The following GNG2 variants were observed in gnomAD, a reference collection of about 807,000 sequenced individuals.
GNG2 encodes G protein subunit gamma 2.
Under a neutral mutation model 5.5 loss-of-function variants are expected in GNG2, and 5 were observed. The observed-to-expected ratio is 0.91, with a 90% CI of 0.48 to 1.92. The LOEUF (loss-of-function observed/expected upper bound fraction) is 1.92. GNG2 is among the 30% of genes most tolerant of loss of function. The pLI, the probability that GNG2 is intolerant of heterozygous loss-of-function variation, is 0.01. For synonymous variants in GNG2, 28 were observed against 32.0 expected (o/e 0.88, Z 0.42); for missense variants, 55 against 88.4 (o/e 0.62, Z 1.52).
At chr14:51,856,009 C>A (rs1171905339), upstream of GNG2, among the ~76,000 whole-genome samples, 5 of 152,038 alleles carry the variant, frequency 3.3e-5, no homozygotes, top group Admixed American at 3.3e-4. Flanking sequence ...GCCATCTGTA[C>A]AAAAAATACA....
chr14:51,926,780 C>G (rs534370154), intron 2 of GNG2, among the ~76,000 whole-genome samples: 1 of 151,862 alleles, frequency 6.6e-6, no homozygotes, highest in Non-Finnish European at 1.5e-5. Flanking sequence ...TTTTTTCTTT[C>G]CACCCAACAC....
At chr14:51,875,298 T>C (rs140537769) in intron 1 of GNG2, among the ~76,000 whole-genome samples, 146 of 152,312 alleles carry the variant, frequency 9.6e-4, no homozygotes, top group African/African-American at 3.4e-3. Flanking sequence ...ACCGGCAGGA[T>C]GGAAGAAGTT....
intron 3 of GNG2, among the ~76,000 whole-genome samples, chr14:51,964,638 C>A (rs1889793678): frequency 6.6e-6 from 1 of 152,040 alleles, no homozygotes; most frequent in Non-Finnish European, 1.5e-5. Flanking sequence ...ACAGAGACCC[C>A]AAAAATTCAA....
intron 2 of GNG2, among the ~76,000 whole-genome samples, chr14:51,884,538 A>G (rs1884312987): frequency 6.6e-6 from 1 of 152,192 alleles, no homozygotes; most frequent in South Asian, 2.1e-4. Flanking sequence ...GTCTTTTCCA[A>G]TTAGTCTTGA....
At chr14:51,872,827 GA>G (rs1214550536) in intron 1 of GNG2, among the ~76,000 whole-genome samples, 1 of 152,198 alleles carries the variant, frequency 6.6e-6, no homozygotes. Context: ...TTTAAAAATA[GA>G]TGCTGTTGTT....
Position 51,827,908 on chromosome 14 carries a change from G to A in GNG2, c.64+101G>A, listed in dbSNP as rs899664210. On this transcript the variant is annotated intron_variant, in intron 2 of 3. Transcript: ENST00000553432. ...GTGGAAAGAGTAAAGAGCTTGGAGA[G>A]AGAGTCTGAGAGTGGGAGGACTCAG... is the stretch of plus-strand genomic sequence containing the variant. 6.6e-6 allele frequency: 4 copies of A among 602,314 alleles called. No homozygotes were observed. In the East Asian group the frequency reaches 1.1e-4, roughly 17 times the overall value. The allele number at this position is 602,314 out of a possible 1,614,324, so 37.3% of individuals were successfully genotyped here. A position where few individuals can be genotyped will look rare whatever the true frequency, so the allele number is the denominator to read the frequency against.
At chr14:51,907,172 C>T (rs567443876) in intron 2 of GNG2, among the ~76,000 whole-genome samples, 37 of 152,246 alleles carry the variant, frequency 2.4e-4, no homozygotes, top group African/African-American at 7.9e-4. Context: ...CTCCTTGGAC[C>T]GAGCTAGCAA....
upstream of GNG2, among the ~76,000 whole-genome samples, chr14:51,857,014 C>G (rs958375676): frequency 6.6e-6 from 1 of 152,170 alleles, no homozygotes; most frequent in East Asian, 1.9e-4. Flanking sequence ...GCCAATGATG[C>G]CTTTTCATTA....
chr14:51,865,028 A>G (rs1882780434), intron 1 of GNG2, among the ~76,000 whole-genome samples: 2 of 152,166 alleles, frequency 1.3e-5, no homozygotes, highest in South Asian at 4.1e-4. Context: ...TGGGCAGAAC[A>G]ATTAGCAGGG....
chr14:51,914,894 G>A (rs1161538977), intron 2 of GNG2, among the ~76,000 whole-genome samples: 3 of 152,164 alleles, frequency 2.0e-5, no homozygotes, highest in Admixed American at 2.0e-4. Context: ...CAATTGGGGG[G>A]AAATGGACAA....
intron 2 of GNG2, among the ~76,000 whole-genome samples, chr14:51,929,602 G>T (rs896022485): frequency 6.6e-6 from 1 of 152,212 alleles, no homozygotes; most frequent in Admixed American, 6.5e-5. Flanking sequence ...GGTGGGTGGG[G>T]TTAATGAATA....
rs556793799 is a variant in GNG2 at position 51,969,208 on chromosome 14, G to A, written c.*2521G>A. The A allele has an allele frequency of 2.0e-5, 3 of 152,140 alleles. No individual in the cohort carries two copies. Among genetic ancestry groups the A allele is most frequent in the South Asian group, 2.1e-4 (1 of 4,810 alleles). 9.4% of individuals were successfully genotyped at this position (152,140 alleles called of 1,614,324 possible). On this transcript the variant is annotated 3_prime_UTR_variant, in exon 4 of 4. Coordinates refer to ENST00000556766, the MANE Select transcript of GNG2 (RefSeq NM_053064.5). ...CCTAGTTTCTACATATAATATATTC[G>A]ATAGAAATGAAAATCTGCCGTGGAA...
chr14:51,832,398 T>C (rs749097223), intron 2 of GNG2, among the ~76,000 whole-genome samples: 2 of 152,202 alleles, frequency 1.3e-5, no homozygotes, highest in Non-Finnish European at 2.9e-5. Flanking sequence ...GAAATATGAT[T>C]GCTAATTAGA....
At chr14:51,849,072 C>G (rs1366823346) in intron 2 of GNG2, among the ~76,000 whole-genome samples, 1 of 152,178 alleles carries the variant, frequency 6.6e-6, no homozygotes, top group African/African-American at 2.4e-5. Context: ...CTTATCTTAA[C>G]ATTTCTGGCC....
chr14:51,889,285 G>C (rs983737510), intron 2 of GNG2, among the ~76,000 whole-genome samples: 1 of 151,828 alleles, frequency 6.6e-6, no homozygotes, highest in African/African-American at 2.4e-5. Flanking sequence ...GCTAATTTTT[G>C]TATTTTTAGT....
chr14:51,891,164 G>A (rs951671788), intron 2 of GNG2, among the ~76,000 whole-genome samples: 13 of 152,170 alleles, frequency 8.5e-5, no homozygotes, highest in African/African-American at 2.2e-4. Context: ...CGTTCTCCCC[G>A]GTAGAGAAGG....
intron 2 of GNG2, among the ~76,000 whole-genome samples, chr14:51,948,887 C>T (rs1048879527): frequency 7.9e-5 from 12 of 151,882 alleles, no homozygotes; most frequent in South Asian, 2.1e-4. Context: ...TTTGGGAGGC[C>T]GAGGTGGGCG....
intron 2 of GNG2, among the ~76,000 whole-genome samples, chr14:51,905,498 A>G (rs905406928): frequency 1.3e-5 from 2 of 152,210 alleles, no homozygotes; most frequent in Non-Finnish European, 2.9e-5. Context: ...ATACCTTTAG[A>G]TTAACAGTGA....
chr14:51,947,219 A>G (rs940780109), intron 2 of GNG2, among the ~76,000 whole-genome samples: 1 of 152,204 alleles, frequency 6.6e-6, no homozygotes, highest in African/African-American at 2.4e-5. Context: ...GATAGGCAGA[A>G]TAACAACCCC....
Sources: allele counts gnomAD v4.1 joint callset (sites outside exome capture counted in the v4.1 genomes callset), GRCh38; gene constraint gnomAD v4.1.1; transcripts MANE v1.5; gene names NCBI Gene and HGNC (gene_info 2026-07-23, HGNC 2026-07-21).